Variants in UCK2 observed in about 807,000 individuals in gnomAD.
UCK2 encodes the protein cytidine monophosphokinase 2.
UCK2 carries 6 observed loss-of-function variants against 30.8 expected under a neutral mutation model. The ratio of observed to expected loss-of-function variants is 0.19; its 90% CI spans 0.11 to 0.38. The LOEUF (loss-of-function observed/expected upper bound fraction) is 0.38, where lower values mean the gene tolerates loss of function less well. UCK2 is among the 10% of genes least tolerant of loss of function. The pLI is 1.00. For missense variants in UCK2, 210 were observed against 339.8 expected (o/e 0.62, Z 3.00); for synonymous variants, 125 against 133.6 (o/e 0.94, Z 0.45).
At chr1:165,886,161 T>C (rs150414325) in intron 1 of UCK2, among the ~76,000 whole-genome samples, 3,268 of 152,346 alleles carry the variant, frequency 0.021, 54 homozygotes, top group Middle Eastern at 0.034. Flanking sequence ...TTTTTGTGAC[T>C]ATTAATATAA....
At chr1:165,846,861 G>A (rs1654461538) in intron 1 of UCK2, among the ~76,000 whole-genome samples, 2 of 152,182 alleles carry the variant, frequency 1.3e-5, no homozygotes, top group Non-Finnish European at 2.9e-5. Flanking sequence ...CCTCAGTGAA[G>A]AACAGGGGTT....
intron 5 of UCK2, among the ~76,000 whole-genome samples, chr1:165,905,354 G>A (rs1647614339): frequency 6.6e-6 from 1 of 151,966 alleles, no homozygotes; most frequent in Non-Finnish European, 1.5e-5. Flanking sequence ...TGTGGTGGCG[G>A]GTGCCTGTAG....
At chr1:165,902,161 C>T (rs1024008046) in intron 4 of UCK2, among the ~76,000 whole-genome samples, 2 of 151,978 alleles carry the variant, frequency 1.3e-5, no homozygotes, top group African/African-American at 4.8e-5. Context: ...GCTTGAACCC[C>T]AGAGGCAGAG....
intron 1 of UCK2, among the ~76,000 whole-genome samples, chr1:165,837,682 T>C (rs992559597): frequency 1.1e-4 from 17 of 152,206 alleles, no homozygotes; most frequent in African/African-American, 3.9e-4. Flanking sequence ...GATCAGGGAC[T>C]TTGTTTTACC....
At chr1:165,852,145 T>C (rs1654612028) in intron 1 of UCK2, among the ~76,000 whole-genome samples, 1 of 152,188 alleles carries the variant, frequency 6.6e-6, no homozygotes, top group South Asian at 2.1e-4. Context: ...TCAGCATCCT[T>C]GAGGAATCAC....
intron 1 of UCK2, among the ~76,000 whole-genome samples, chr1:165,842,579 C>T (rs376744679): frequency 2.6e-5 from 4 of 152,304 alleles, no homozygotes; most frequent in Admixed American, 6.5e-5. Flanking sequence ...ATCTTGCTTT[C>T]TGAATTTCTC....
chr1:165,881,961 G>T (rs1655510703), intron 1 of UCK2, among the ~76,000 whole-genome samples: 2 of 152,202 alleles, frequency 1.3e-5, no homozygotes, highest in African/African-American at 4.8e-5. Flanking sequence ...TTCTAGGCTG[G>T]ACTACCTTTG....
chr1:165,833,529 T>A (rs771133992), intron 1 of UCK2, among the ~76,000 whole-genome samples: 15 of 152,178 alleles, frequency 9.9e-5, no homozygotes, highest in Non-Finnish European at 1.9e-4. Flanking sequence ...TCTTCTTTGT[T>A]CCTTGAGTGT....
chr1:165,894,036 A>G (rs944590450), intron 3 of UCK2: 3 of 152,204 alleles, frequency 2.0e-5, no homozygotes, highest in African/African-American at 7.2e-5. Context: ...TTCAAAGGAA[A>G]TGCTCATTGG....
chr1:165,890,510 T>C, intron 2 of UCK2, 147 bp downstream of exon 2: 2 of 787,622 alleles, frequency 2.5e-6, no homozygotes, highest in Non-Finnish European at 4.0e-6. Flanking sequence ...GCAGTGTTAT[T>C]GTGGGGCTTA....
chr1:165,907,316 G>A (rs577592706), intron 6 of UCK2, among the ~76,000 whole-genome samples: 72 of 152,284 alleles, frequency 4.7e-4, no homozygotes, highest in African/African-American at 1.6e-3. Context: ...AGGTTCCCTG[G>A]TGGAAAGGTC....
At chr1:165,892,584 G>A (rs1655797939) in intron 3 of UCK2, 1 of 152,270 alleles carries the variant, frequency 6.6e-6, no homozygotes, top group South Asian at 2.1e-4. Flanking sequence ...TAGTAACCTG[G>A]AAGCATGTGG....
At chr1:165,877,968 C>T (rs1655380932) in intron 1 of UCK2, among the ~76,000 whole-genome samples, 1 of 152,138 alleles carries the variant, frequency 6.6e-6, no homozygotes, top group Non-Finnish European at 1.5e-5. Flanking sequence ...CAGTCATGAA[C>T]CTACATTGTC....
At chr1:165,850,921 C>T (rs1476957577) in intron 1 of UCK2, among the ~76,000 whole-genome samples, 2 of 138,312 alleles carry the variant, frequency 1.4e-5, no homozygotes, top group African/African-American at 2.6e-5. Context: ...CACGCCTGGC[C>T]TTTAAATTTT....
intron 1 of UCK2, among the ~76,000 whole-genome samples, chr1:165,843,884 A>G (rs139807908): frequency 9.2e-5 from 14 of 152,114 alleles, no homozygotes; most frequent in African/African-American, 2.4e-4. Context: ...TTTTTTTCTT[A>G]TATCACTAAT....
chr1:165,829,972 G>T (rs902803270), intron 1 of UCK2, among the ~76,000 whole-genome samples: 3 of 152,076 alleles, frequency 2.0e-5, no homozygotes, highest in Non-Finnish European at 4.4e-5. Context: ...AGTACAGGCT[G>T]GCACTATCAT....
chr1:165,840,954 C>T (rs1395843049), intron 1 of UCK2, among the ~76,000 whole-genome samples: 1 of 152,248 alleles, frequency 6.6e-6, no homozygotes, highest in Non-Finnish European at 1.5e-5. Flanking sequence ...ATTCCCAGCA[C>T]CACAGAAAGC....
At chr1:165,872,884 G>A (rs1324691649) in intron 1 of UCK2, among the ~76,000 whole-genome samples, 3 of 152,240 alleles carry the variant, frequency 2.0e-5, no homozygotes, top group African/African-American at 7.2e-5. Flanking sequence ...TGCCAGAGAA[G>A]TGATCAGCAA....
chr1:165,885,087 TTA>T (rs577071033), intron 1 of UCK2: 65 of 312,748 alleles, frequency 2.1e-4, no homozygotes, highest in African/African-American at 1.3e-3. Flanking sequence ...CAAAACAGTA[TTA>T]TATTTCTCAT....
Sources: allele counts gnomAD v4.1 joint callset (sites outside exome capture counted in the v4.1 genomes callset), GRCh38; gene constraint gnomAD v4.1.1; transcripts MANE v1.5; gene names NCBI Gene and HGNC (gene_info 2026-07-23, HGNC 2026-07-21).